Variants in MSRB1 observed in about 807,000 individuals in gnomAD.
The protein encoded by MSRB1 is methionine sulfoxide reductase B1.
A neutral mutation model predicts 15.2 loss-of-function variants in MSRB1; 13 were observed. The ratio of observed to expected loss-of-function variants is 0.86; its 90% CI spans 0.56 to 1.36. The LOEUF is 1.36. MSRB1 is among the 40% of genes most tolerant of loss of function. The probability of loss-of-function intolerance (pLI) is 0.00; values close to 1 mark genes in which losing one functional copy is unlikely to be tolerated. For missense variants in MSRB1, 174 were observed against 155.9 expected (o/e 1.12, Z -0.62); for synonymous variants, 68 against 64.5 (o/e 1.05, Z -0.26).
chr16:1,939,998 G>A (rs2083065993), intron 3 of MSRB1, among the ~76,000 whole-genome samples: 1 of 151,692 alleles, frequency 6.6e-6, no homozygotes, highest in African/African-American at 2.4e-5. Flanking sequence ...TGGGCTGGGC[G>A]TGGTGGCTCA....
At chr16:1,940,750 T>C (rs753536485) in intron 3 of MSRB1, 28 bp downstream of exon 3, 8 of 1,597,582 alleles carry the variant, frequency 5.0e-6, no homozygotes, top group Non-Finnish European at 6.8e-6. Context: ...CCAACAGGCC[T>C]GGCCCCAGCT....
At chr16:1,940,654 C>A (rs1313222644) in intron 3 of MSRB1, 124 bp downstream of exon 3, 1 of 1,223,908 alleles carries the variant, frequency 8.2e-7, no homozygotes, top group East Asian at 2.5e-5. Context: ...TGGACAGTTC[C>A]CAGGCAGCGT....
Position 1,941,249 on chromosome 16 carries a change from C to G in MSRB1, c.204+8G>C. The stretch of plus-strand genomic sequence containing the variant: ...CCCCGTCCCTCCCCCACCCCTGTGG[C>G]CTCTCACCTTCAAGGCTTCAGATCT... On this transcript the variant is annotated splice_region_variant and intron_variant, in intron 2 of 3. Transcript: ENST00000361871. 6.3e-7 allele frequency: 1 copy of G among 1,589,404 alleles called. No individual in the cohort carries two copies.
At chr16:1,943,074 C>T (rs2083090633) in intron 1 of MSRB1, 28 bp downstream of exon 1, 1 of 1,551,134 alleles carries the variant, frequency 6.4e-7, no homozygotes, top group East Asian at 2.4e-5. Context: ...GCCGCGCTGC[C>T]CTCCCAGCGA....
At chr16:1,941,592 C>T (rs2083078037) in intron 1 of MSRB1, 187 bp from the exon 2 acceptor site, 2 of 713,486 alleles carry the variant, frequency 2.8e-6, no homozygotes, top group East Asian at 2.7e-5. Context: ...TGCCAGAGAC[C>T]AGGGGAGTCA....
chr16:1,939,217 G>C lies in MSRB1; in HGVS notation c.320-74C>G, dbSNP rs553821837. 738 of 1,496,394 alleles carry C rather than the reference G, an allele frequency of 4.9e-4. 1 individual carries two copies. Among genetic ancestry groups the C allele is most frequent in the Admixed American group, 1.7e-3 (82 of 48,024 alleles). The allele number at this position is 1,496,394 out of a possible 1,614,324, so 92.7% of individuals were successfully genotyped here. On this transcript the variant is annotated intron_variant, in intron 3 of 3. Coordinates refer to ENST00000361871, the MANE Select transcript of MSRB1 (RefSeq NM_016332.4). ...CAGGGGCGGAAAGCCGGGCGCGGGG[G>C]CGGTGGAAAGCCAGGGTAGGGGCAG...
At chr16:1,941,449 C>T (rs573504929) in intron 1 of MSRB1, 44 bp from the exon 2 acceptor site, 3 of 1,553,608 alleles carry the variant, frequency 1.9e-6, no homozygotes, top group Non-Finnish European at 2.6e-6. Context: ...CAGCTCCCGC[C>T]TTTCCGGGGT....
In MSRB1 at chr16:1,943,143, C is replaced by A; in HGVS notation, c.14G>T (p.Ser5Ile). 1 of 1,562,130 alleles carries A rather than the reference C, an allele frequency of 6.4e-7. No homozygotes were observed. Among genetic ancestry groups the A allele is most frequent in the Non-Finnish European group, 8.7e-7 (1 of 1,153,166 alleles). The stretch of plus-strand genomic sequence containing the variant: ...CTGGAAAACCTCGCCCCCGAAGAAG[C>A]TGCAGAACGACATGGCGCCACCGGA... MSFC[S>I]FFGGEVFQNH... is the part of the protein sequence containing the mutation. The change falls in exon 1 of 4, where the codon AGC becomes ATC. Residue 5 changes from serine (S) to isoleucine (I), a missense_variant. By Grantham distance (142) the Ser-to-Ile change is moderately radical. Transcript: ENST00000361871.
chr16:1,940,672 TG>T, intron 3 of MSRB1, 105 bp downstream of exon 3: 1 of 1,348,000 alleles, frequency 7.4e-7, no homozygotes, highest in South Asian at 1.5e-5. Context: ...CGTGACTTGG[TG>T]GCCCCATACC....
At position 1,941,273 on chromosome 16, in the gene MSRB1, C is replaced by T. The variant is rs770241137; in HGVS notation, c.188G>A (p.Arg63Lys). Reference protein sequence around the residue: ...DSVAKRPEHNRSEALKVSCGK... With the variant: ...DSVAKRPEHNKSEALKVSCGK... Reference sequence around the variant, plus strand: ...GCCTCTCACCTTCAAGGCTTCAGATCTATTGTGCTCCGGACGCTTGGCCAC... The same window carrying T: ...GCCTCTCACCTTCAAGGCTTCAGATTTATTGTGCTCCGGACGCTTGGCCAC... The change falls in exon 2 of 4, where the codon AGA becomes AAA. Residue 63 changes from arginine (R) to lysine (K), a missense_variant. Transcript: ENST00000361871. 5.0e-6 allele frequency: 8 copies of T among 1,612,922 alleles called. No homozygotes were observed. Among genetic ancestry groups the T allele is most frequent in the African/African-American group, 2.7e-5 (2 of 74,790 alleles).
Position 1,939,286 on chromosome 16 carries a change from C to T in MSRB1, c.320-143G>A, listed in dbSNP as rs565069274. 6.6e-5 allele frequency: 61 copies of T among 927,578 alleles called. No individual in the cohort carries two copies. The African/African-American group carries it at 7.1e-4, about 11-fold the overall frequency. The allele number at this position is 927,578 out of a possible 1,614,324, so 57.5% of individuals were successfully genotyped here. A position where few individuals can be genotyped will look rare whatever the true frequency, so the allele number is the denominator to read the frequency against. On this transcript the variant is annotated intron_variant, in intron 3 of 3. Coordinates refer to ENST00000361871, the MANE Select transcript of MSRB1 (RefSeq NM_016332.4). ...GCAGAGCTTCAGGTGCCGTTCCCTG[C>T]GCTTTCACACTCTGCCCTGGCCTGC... is the stretch of plus-strand genomic sequence containing the variant.
chr16:1,941,545 AC>A (rs1751024610), intron 1 of MSRB1, 140 bp from the exon 2 acceptor site: 2 of 1,211,858 alleles, frequency 1.7e-6, no homozygotes, highest in South Asian at 3.1e-5. Flanking sequence ...GGCACCCGCC[AC>A]GGGAGGCGCT....
intron 3 of MSRB1, 25 bp downstream of exon 3, chr16:1,940,753 C>G (rs759116211): frequency 2.5e-6 from 4 of 1,600,272 alleles, no homozygotes; most frequent in Non-Finnish European, 3.4e-6. Context: ...ACAGGCCTGG[C>G]CCCAGCTGTG....
At chr16:1,942,081 G>A (rs1368113796) in intron 1 of MSRB1, 7 of 152,226 alleles carry the variant, frequency 4.6e-5, no homozygotes, top group African/African-American at 1.4e-4. Flanking sequence ...AACCTCCAGG[G>A]GTGCTGAGTC....
intron 1 of MSRB1, chr16:1,941,711 C>T (rs956430392): frequency 2.2e-5 from 9 of 400,478 alleles, no homozygotes; most frequent in African/African-American, 1.6e-4. Flanking sequence ...GTGTGTGCAG[C>T]GTGAAGGAAC....
chr16:1,941,238 C>G lies in MSRB1; in HGVS notation c.204+19G>C, dbSNP rs368506314. On this transcript the variant is annotated intron_variant, in intron 2 of 3. Transcript: ENST00000361871. ...TCCCTGGCCGCCCCCGTCCCTCCCCCACCCCTGTGGCCTCTCACCTTCAAG... is the reference window on the plus strand; with the variant it reads ...TCCCTGGCCGCCCCCGTCCCTCCCCGACCCCTGTGGCCTCTCACCTTCAAG... 1.2e-5 allele frequency: 20 copies of G among 1,613,588 alleles called. No individual in the cohort carries two copies. The highest frequency in any genetic ancestry group is 1.1e-4 in the African/African-American group (8 of 74,912).
chr16:1,939,773 G>T (rs1241019868), intron 3 of MSRB1, among the ~76,000 whole-genome samples: 1 of 152,064 alleles, frequency 6.6e-6, no homozygotes, highest in African/African-American at 2.4e-5. Flanking sequence ...GGCTAACATG[G>T]TGAAACCCCG....
chr16:1,941,667 A>C, intron 1 of MSRB1: 6 of 517,228 alleles, frequency 1.2e-5, no homozygotes, highest in Admixed American at 3.5e-5. Flanking sequence ...TAACATTTCC[A>C]TCTTTGCTTG....
rs543523248 is a variant in MSRB1, at chr16:1,940,374, A to C, written c.319+404T>G. On this transcript the variant is annotated intron_variant, in intron 3 of 3. Transcript: ENST00000361871. ...TCCTCACAGCCCTGCTACCACCGCC[A>C]CTCTGCAGAGGAGGAGGCAGGCTCT... Among the ~76,000 whole-genome samples, 380 of 152,018 alleles carry C rather than the reference A, an allele frequency of 2.5e-3. 4 individuals carry two copies. Among genetic ancestry groups the C allele is most frequent in the African/African-American group, 8.5e-3 (353 of 41,444 alleles).
Sources: allele counts gnomAD v4.1 joint callset (sites outside exome capture counted in the v4.1 genomes callset), GRCh38; gene constraint gnomAD v4.1.1; transcripts MANE v1.5; gene names NCBI Gene and HGNC (gene_info 2026-07-23, HGNC 2026-07-21).